SLC66A2: variants seen among roughly 807,000 people sequenced by gnomAD.
SLC66A2 encodes PQ loop repeat containing 1.
Under a neutral mutation model 25.5 loss-of-function variants are expected in SLC66A2, and 23 were observed. That is an observed-to-expected ratio of 0.90 (90% CI 0.65 to 1.28). The LOEUF (loss-of-function observed/expected upper bound fraction) is 1.28, where lower values mean the gene tolerates loss of function less well. SLC66A2 is among the 50% of genes most tolerant of loss of function. SLC66A2 has a pLI of 0.00. For missense variants in SLC66A2, 396 were observed against 373.1 expected (o/e 1.06, Z -0.51); for synonymous variants, 193 against 166.5 (o/e 1.16, Z -1.23).
chr18:79,931,828 C>A (rs1257549881), intron 4 of SLC66A2, among the ~76,000 whole-genome samples: 1 of 152,000 alleles, frequency 6.6e-6, no homozygotes, highest in Non-Finnish European at 1.5e-5. Flanking sequence ...GCCTGGTAAA[C>A]ATGGTGAAAA....
At chr18:79,911,929 G>A in intron 5 of SLC66A2, among the ~76,000 whole-genome samples, 2 of 137,138 alleles carry the variant, frequency 1.5e-5, no homozygotes, top group East Asian at 2.3e-4. Context: ...CGGGAGCAGG[G>A]AGGGGACAGC....
chr18:79,913,653 G>A (rs144671212), intron 5 of SLC66A2, among the ~76,000 whole-genome samples: 3 of 152,374 alleles, frequency 2.0e-5, no homozygotes, highest in Non-Finnish European at 4.4e-5. Context: ...GTGCACGTGT[G>A]TGCAAGTACA....
At position 79,916,100 on chromosome 18, in the gene SLC66A2, ACCC is replaced by A. The variant is rs1353720734; in HGVS notation, c.608+3081_608+3083del. The A allele has an allele frequency of 2.0e-4, 38 of 187,726 alleles. 1 individual carries two copies. The highest frequency in any genetic ancestry group is 1.1e-3 in the East Asian group (5 of 4,384). The allele number at this position is 187,726 out of a possible 1,614,324, so 11.6% of individuals were successfully genotyped here. On this transcript the variant is annotated intron_variant, in intron 5 of 5. Transcript: ENST00000397778. ...GCTCCCGTACCCACGGTGCTCTCAT[ACCC>A]GCAGTGCTCCCGTACCCTCCCATAC...
rs1386385562 is a variant in SLC66A2 at position 79,942,937 on chromosome 18, C to T, written c.337+392G>A. ...AAGGTACCCCTGAGTCACAGCAGAA[C>T]TGAAAGGGTGTGTTTTGTGTACAGG... On this transcript the variant is annotated intron_variant, in intron 3 of 5. Transcript: ENST00000397778. Among the ~76,000 whole-genome samples, 4 of 152,176 alleles carry T rather than the reference C, an allele frequency of 2.6e-5. No individual in the cohort carries two copies. The East Asian group carries it at 7.7e-4, about 29-fold the overall frequency.
At chr18:79,919,038 T>G in intron 5 of SLC66A2, 146 bp downstream of exon 5, 1 of 770,636 alleles carries the variant, frequency 1.3e-6, no homozygotes, top group Non-Finnish European at 2.1e-6. Flanking sequence ...CCAAGGCCTA[T>G]AAACCTGCTA....
chr18:79,951,402 G>A (rs1439507718), intron 1 of SLC66A2, among the ~76,000 whole-genome samples, 179 bp downstream of exon 1: 4 of 150,550 alleles, frequency 2.7e-5, no homozygotes, highest in Non-Finnish European at 5.9e-5. Context: ...CGCACGGCTC[G>A]GGGGAAGGGG....
chr18:79,947,781 C>G (rs1299490280), intron 2 of SLC66A2, among the ~76,000 whole-genome samples: 1 of 151,886 alleles, frequency 6.6e-6, no homozygotes, highest in Non-Finnish European at 1.5e-5. Flanking sequence ...ACCATGAAAT[C>G]AAAGAGGCTG....
chr18:79,928,921 C>G (rs982369849), intron 4 of SLC66A2, among the ~76,000 whole-genome samples: 7 of 152,170 alleles, frequency 4.6e-5, no homozygotes, highest in African/African-American at 1.7e-4. Flanking sequence ...CCAGAGGCAA[C>G]AACTCACTTC....
rs560434594 is a variant in SLC66A2 at position 79,941,240 on chromosome 18, G to A, written c.337+2089C>T. Among the ~76,000 whole-genome samples the A allele has an allele frequency of 5.9e-5, 9 of 152,262 alleles. No individual in the cohort carries two copies. Among genetic ancestry groups the A allele is most frequent in the East Asian group, 3.9e-4 (2 of 5,174 alleles). ...CTCTGCTGCCTGTAAAGCGACGGCC[G>A]ACCCATGGCAGAGAGCCAGGCCCTC... On this transcript the variant is annotated intron_variant, in intron 3 of 5. Transcript: ENST00000397778. The surrounding 1 kb of genome is among the most constrained non-coding windows in gnomAD (Gnocchi z 4.1).
rs372864889 is a variant in SLC66A2 at position 79,927,524 on chromosome 18, G to A, written c.391+6445C>T. On this transcript the variant is annotated intron_variant, in intron 4 of 5. Coordinates refer to ENST00000397778, the MANE Select transcript of SLC66A2 (RefSeq NM_025078.5). The surrounding 1 kb of genome is among the most constrained non-coding windows in gnomAD (Gnocchi z 6.2). ...AATGCCCTTCTTAGCCTTCGAGGCC[G>A]GCACTGGCCTCGCTGACCCCTCTAA... Among the ~76,000 whole-genome samples the A allele has an allele frequency of 3.9e-5, 6 of 152,212 alleles. No individual in the cohort carries two copies. The highest frequency in any genetic ancestry group is 1.3e-4 in the Admixed American group (2 of 15,288).
Position 79,903,574 on chromosome 18 carries a change from T to A in SLC66A2, c.*402A>T. On this transcript the variant is annotated 3_prime_UTR_variant, in exon 6 of 6. Transcript: ENST00000397778. ...GGGTCGAGGGCTCCGCTCACAGGCCTTACAGGGTCTCCTGCGGTCACCCCA... is the reference window on the plus strand; with the variant it reads ...GGGTCGAGGGCTCCGCTCACAGGCCATACAGGGTCTCCTGCGGTCACCCCA... The A allele has an allele frequency of 4.5e-6, 1 of 224,300 alleles. No individual in the cohort carries two copies. Among genetic ancestry groups the A allele is most frequent in the South Asian group, 6.8e-5 (1 of 14,692 alleles). 13.9% of individuals were successfully genotyped at this position (224,300 alleles called of 1,614,324 possible).
chr18:79,906,108 C>T (rs1185251929), intron 5 of SLC66A2, among the ~76,000 whole-genome samples: 5 of 152,204 alleles, frequency 3.3e-5, no homozygotes, highest in Non-Finnish European at 5.9e-5. Context: ...ACAGAATATC[C>T]TCTTCCATAC....
At chr18:79,912,497 A>ATCGCCAGGCCACGTG (rs1277803127) in intron 5 of SLC66A2, among the ~76,000 whole-genome samples, 2 of 152,020 alleles carry the variant, frequency 1.3e-5, no homozygotes, top group Non-Finnish European at 2.9e-5. Flanking sequence ...AAGGTCACAT[A>ATCGCCAGGCCACGTG]TCGCCAGGCC....
chr18:79,940,922 TCA>T lies in SLC66A2; in HGVS notation c.337+2405_337+2406del, dbSNP rs1987607770. On this transcript the variant is annotated intron_variant, in intron 3 of 5. Transcript: ENST00000397778. The surrounding 1 kb of genome is among the most constrained non-coding windows in gnomAD (Gnocchi z 4.1). Reference sequence around the variant, plus strand: ...GCCCAGGAGTCATGCAGCTTGGTTCTCAGTCCTCCCCGGGGGAGGGCAGGCAC... The same window carrying T: ...GCCCAGGAGTCATGCAGCTTGGTTCTGTCCTCCCCGGGGGAGGGCAGGCAC... 6.6e-6 allele frequency among the ~76,000 whole-genome samples: 1 copy of T among 152,122 alleles called. No individual in the cohort carries two copies. The highest frequency in any genetic ancestry group is 6.5e-5 in the Admixed American group (1 of 15,276).
rs2051089823 is a variant in SLC66A2, at chr18:79,950,735, C to T, written c.192G>A (p.Arg64=). Reference sequence around the variant, plus strand: ...AGCCCCCAACTTACCAGAAGAGTATCCGCAAAATGTTGGCCACCAGCAGCA... The same window carrying T: ...AGCCCCCAACTTACCAGAAGAGTATTCGCAAAATGTTGGCCACCAGCAGCA... ...CLVLLVANIL[R]ILFWFGRRFE... The change falls in exon 2 of 6, where the codon CGG becomes CGA. Residue 64 remains arginine, a synonymous_variant. Transcript: ENST00000397778. The T allele has an allele frequency of 6.2e-7, 1 of 1,613,066 alleles. No homozygotes were observed. The highest frequency in any genetic ancestry group is 1.7e-5 in the Admixed American group (1 of 60,010).
At chr18:79,936,760 G>T (rs1055724365) in intron 3 of SLC66A2, among the ~76,000 whole-genome samples, 2 of 152,340 alleles carry the variant, frequency 1.3e-5, no homozygotes, top group Non-Finnish European at 1.5e-5. Context: ...CCCTGACAAG[G>T]TGCGTTTGTT....
At chr18:79,922,908 G>A (rs140320910) in intron 4 of SLC66A2, among the ~76,000 whole-genome samples, 3,090 of 150,900 alleles carry the variant, frequency 0.02, 40 homozygotes, top group African/African-American at 0.03. Flanking sequence ...GTCGGGGGCC[G>A]GCTGCCTGTG....
chr18:79,909,398 C>T lies in SLC66A2; in HGVS notation c.609-5215G>A, dbSNP rs1982593316. On this transcript the variant is annotated intron_variant, in intron 5 of 5. Transcript: ENST00000397778. ...ACTTCACTACAGTGTCCCCAGTCTT[C>T]CTCACCACGATGTACCCAACCTTCC... 3.9e-5 allele frequency among the ~76,000 whole-genome samples: 6 copies of T among 152,212 alleles called. No individual in the cohort carries two copies. The South Asian group carries it at 1.2e-3, about 32-fold the overall frequency.
chr18:79,948,702 G>A (rs905958047), intron 2 of SLC66A2, among the ~76,000 whole-genome samples: 5 of 152,074 alleles, frequency 3.3e-5, no homozygotes, highest in African/African-American at 7.2e-5. Flanking sequence ...ACCTCTAAGC[G>A]GAACTTCTTT....
Sources: allele counts gnomAD v4.1 joint callset (sites outside exome capture counted in the v4.1 genomes callset), GRCh38; gene constraint gnomAD v4.1.1; non-coding constraint Gnocchi (gnomAD v3.1); transcripts MANE v1.5; gene names NCBI Gene and HGNC (gene_info 2026-07-23, HGNC 2026-07-21).